Variants in GRM5 observed in about 807,000 individuals in gnomAD.
GRM5 encodes the protein metabotropic glutamate receptor 5.
Under a neutral mutation model 83.1 loss-of-function variants are expected in GRM5, and 19 were observed. That is an observed-to-expected ratio of 0.23 (90% CI 0.16 to 0.34). The LOEUF (loss-of-function observed/expected upper bound fraction) is 0.34. Among genes scored for constraint, GRM5 ranks in the 10% least tolerant of loss-of-function variants. The pLI, the probability that GRM5 is intolerant of heterozygous loss-of-function variation, is 1.00. For synonymous variants in GRM5, 675 were observed against 633.6 expected, an observed-to-expected ratio of 1.07 and a Z score of -0.98; for missense variants, 1,160 against 1,588.3, an observed-to-expected ratio of 0.73 and a Z score of 4.58.
chr11:88,859,605 T>C (rs1378839391), intron 2 of GRM5, among the ~76,000 whole-genome samples: 4 of 152,190 alleles, frequency 2.6e-5, no homozygotes, highest in South Asian at 2.1e-4. Flanking sequence ...AGCTAGTAAA[T>C]AGAAGAGCTG....
chr11:88,712,422 C>T (rs750041404), intron 3 of GRM5, among the ~76,000 whole-genome samples: 3 of 152,000 alleles, frequency 2.0e-5, no homozygotes, highest in Non-Finnish European at 4.4e-5. Flanking sequence ...TCTTATTTAA[C>T]ATATGTTTTT....
At chr11:88,576,137 G>A (rs1415527717) in intron 7 of GRM5, among the ~76,000 whole-genome samples, 1 of 152,056 alleles carries the variant, frequency 6.6e-6, no homozygotes, top group Non-Finnish European at 1.5e-5. Flanking sequence ...AAATAATAAA[G>A]CGTGCTGACT....
chr11:88,781,770 C>T (rs972069189), intron 3 of GRM5, among the ~76,000 whole-genome samples: 1 of 152,174 alleles, frequency 6.6e-6, no homozygotes, highest in South Asian at 2.1e-4. Context: ...GGGAAACTAG[C>T]ATCATGGATT....
chr11:89,007,623 T>C (rs1415310007), intron 2 of GRM5, among the ~76,000 whole-genome samples: 3 of 152,200 alleles, frequency 2.0e-5, no homozygotes, highest in Non-Finnish European at 4.4e-5. Flanking sequence ...CCTTGTTAGG[T>C]CATACGGGTT....
chr11:88,601,397 CTCTT>C (rs1488294895), intron 5 of GRM5, among the ~76,000 whole-genome samples: 27 of 151,658 alleles, frequency 1.8e-4, no homozygotes, highest in Admixed American at 1.8e-3. Context: ...CTTTCTTTCT[CTCTT>C]TCTCTCATTC....
chr11:89,064,754 A>T (rs1942060812), intron 1 of GRM5, among the ~76,000 whole-genome samples: 1 of 151,378 alleles, frequency 6.6e-6, no homozygotes. Context: ...GAACGCAGTG[A>T]TGCCAAACCC....
At chr11:88,971,138 A>G (rs1381253834) in intron 2 of GRM5, among the ~76,000 whole-genome samples, 5 of 152,162 alleles carry the variant, frequency 3.3e-5, no homozygotes, top group Non-Finnish European at 1.5e-5. Context: ...GAAAGGAGAT[A>G]GTTTTGGAAT....
chr11:88,991,998 A>G (rs1276444941), intron 2 of GRM5, among the ~76,000 whole-genome samples: 1 of 152,076 alleles, frequency 6.6e-6, no homozygotes, highest in African/African-American at 2.4e-5. Context: ...GCAACAAAAG[A>G]CAAAATTGAC....
intron 2 of GRM5, among the ~76,000 whole-genome samples, chr11:88,981,361 C>T (rs1488256637): frequency 2.0e-5 from 3 of 152,130 alleles, no homozygotes; most frequent in African/African-American, 4.8e-5. Context: ...AAGTCTGTGA[C>T]TTCCAAACCT....
At chr11:88,984,782 C>T (rs1321936289) in intron 2 of GRM5, 1 of 738,722 alleles carries the variant, frequency 1.4e-6, no homozygotes, top group Non-Finnish European at 2.5e-6. Context: ...GCTGGGGAAA[C>T]AGAGAGACAG....
intron 2 of GRM5, among the ~76,000 whole-genome samples, chr11:88,993,915 CA>C (rs370374931): frequency 3.3e-5 from 5 of 152,140 alleles, no homozygotes; most frequent in African/African-American, 1.2e-4. Context: ...TAGTTACCTC[CA>C]TATGTTGCCC....
intron 3 of GRM5, among the ~76,000 whole-genome samples, chr11:88,820,413 T>TCAGTAATA (rs1943769746): frequency 1.4e-5 from 2 of 145,788 alleles, no homozygotes; most frequent in Admixed American, 6.9e-5. Flanking sequence ...ATCAGTAATA[T>TCAGTAATA]CAGTAATATT....
At chr11:88,626,463 T>A (rs1504081) in intron 4 of GRM5, among the ~76,000 whole-genome samples, 103,954 of 152,188 alleles carry the variant, frequency 0.68, 41,328 homozygotes, top group Non-Finnish European at 0.9. Context: ...CATTTCTCCA[T>A]ACAATGTAAT....
chr11:88,943,827 T>C (rs1047005343), intron 2 of GRM5, among the ~76,000 whole-genome samples: 14 of 152,146 alleles, frequency 9.2e-5, no homozygotes, highest in Admixed American at 2.6e-4. Context: ...GAGGTCCATA[T>C]ATAGGGGTCT....
intron 2 of GRM5, among the ~76,000 whole-genome samples, chr11:88,871,969 A>AG (rs1189024278): frequency 2.0e-5 from 3 of 151,548 alleles, no homozygotes. Flanking sequence ...AATAAATGTT[A>AG]GGAAAAAAAA....
At chr11:88,538,211 C>A (rs550854146) in intron 8 of GRM5, among the ~76,000 whole-genome samples, 3 of 152,082 alleles carry the variant, frequency 2.0e-5, no homozygotes, top group South Asian at 2.1e-4. Flanking sequence ...TGAGTAAAGC[C>A]TTTCATTTAG....
chr11:88,777,786 G>A (rs917820451), intron 3 of GRM5, among the ~76,000 whole-genome samples: 9 of 152,150 alleles, frequency 5.9e-5, no homozygotes, highest in Non-Finnish European at 1.3e-4. Context: ...AGAGAATATT[G>A]CAGAACAGCA....
At position 88,917,484 on chromosome 11, in the gene GRM5, A is replaced by C. The variant is rs190831553; in HGVS notation, c.662-67329T>G. ...CCATCTAGGAAAACATGACTTTGCC[A>C]AACTAAATAAGGCACCAATGAGCAA... On this transcript the variant is annotated intron_variant, in intron 2 of 9. Transcript: ENST00000305447. 3.9e-3 allele frequency among the ~76,000 whole-genome samples: 596 copies of C among 152,328 alleles called. 2 individuals are homozygous for C. The highest frequency in any genetic ancestry group is 0.014 in the African/African-American group (563 of 41,590).
intron 2 of GRM5, among the ~76,000 whole-genome samples, chr11:88,868,294 T>A (rs565988429): frequency 4.1e-4 from 63 of 151,958 alleles, no homozygotes; most frequent in African/African-American, 1.5e-3. Context: ...CTTGAATTAA[T>A]CAAAGCTGAT....
Sources: gnomAD v4.1 joint callset for allele counts (sites outside exome capture counted in the v4.1 genomes callset) on GRCh38, gnomAD v4.1.1 for gene constraint, MANE v1.5 for transcripts, NCBI Gene and HGNC (gene_info 2026-07-23, HGNC 2026-07-21) for gene names.